The following PDE1C variants were observed in gnomAD, a reference collection of about 807,000 sequenced individuals.
PDE1C encodes the protein dual specificity calcium/calmodulin-dependent 3',5'-cyclic nucleotide phosphodiesterase 1C.
Under a neutral mutation model 93.1 loss-of-function variants are expected in PDE1C, and 62 were observed. The observed-to-expected ratio is 0.67, with a 90% CI of 0.54 to 0.82. The LOEUF (loss-of-function observed/expected upper bound fraction) is 0.82, where lower values mean the gene tolerates loss of function less well. Ranked by LOEUF, PDE1C falls within the 40% of genes least tolerant of loss-of-function variation. The pLI, the probability that PDE1C is intolerant of heterozygous loss-of-function variation, is 0.00. For synonymous variants in PDE1C, 325 were observed against 310.1 expected (o/e 1.05, Z -0.50); for missense variants, 742 against 884.6 (o/e 0.84, Z 2.04).
chr7:32,304,182 G>C (rs1215272465), upstream of PDE1C, among the ~76,000 whole-genome samples: 2 of 152,184 alleles, frequency 1.3e-5, no homozygotes, highest in Middle Eastern at 3.4e-3. Context: ...CATTCCTCAG[G>C]GGAGGTAACC....
the PDE1C span, among the ~76,000 whole-genome samples, chr7:31,689,371 T>G: frequency 1.3e-5 from 2 of 152,178 alleles, no homozygotes; most frequent in African/African-American, 2.4e-5. Flanking sequence ...GAGGACCAAC[T>G]ATGCAGGCAT....
intron 16 of PDE1C, among the ~76,000 whole-genome samples, chr7:31,804,017 T>C (rs938695319): frequency 2.0e-5 from 3 of 151,756 alleles, no homozygotes; most frequent in African/African-American, 7.2e-5. Flanking sequence ...CTGGTTGGGC[T>C]TTTTCTTTAT....
At chr7:32,253,041 T>A (rs1809505694) in intron 1 of PDE1C, among the ~76,000 whole-genome samples, 1 of 152,194 alleles carries the variant, frequency 6.6e-6, no homozygotes, top group African/African-American at 2.4e-5. Context: ...AGTTGTGTTT[T>A]TCAAAGATCA....
intron 3 of PDE1C, among the ~76,000 whole-genome samples, chr7:32,155,402 C>G (rs1215874136): frequency 1.3e-5 from 2 of 152,222 alleles, no homozygotes. Flanking sequence ...CACACAATCT[C>G]TAGTCAGGTT....
chr7:31,718,686 G>A, the PDE1C span, among the ~76,000 whole-genome samples: 1 of 152,146 alleles, frequency 6.6e-6, no homozygotes, highest in Non-Finnish European at 1.5e-5. Context: ...TGAAGAGGGG[G>A]AATCCCTGTG....
chr7:32,112,844 G>GTATATATATATATATATATATATA (rs1227112323), intron 3 of PDE1C, among the ~76,000 whole-genome samples: 1 of 54,138 alleles, frequency 1.8e-5, no homozygotes, highest in Non-Finnish European at 4.0e-5. Context: ...GTGTGTGTGT[G>GTATATATATATATATATATATATA]TGTATATATA....
intron 2 of PDE1C, among the ~76,000 whole-genome samples, chr7:31,895,192 T>G (rs930458676): frequency 6.6e-6 from 1 of 152,254 alleles, no homozygotes. Flanking sequence ...CTGATAGTGC[T>G]GACTGGAGGG....
intron 1 of PDE1C, among the ~76,000 whole-genome samples, chr7:32,061,685 G>A (rs77387054): frequency 0.096 from 14,663 of 152,228 alleles, 830 homozygotes; most frequent in Middle Eastern, 0.14. Flanking sequence ...TTGGAATACT[G>A]GGAATGACCA....
the PDE1C span, chr7:31,642,581 C>A: frequency 9.4e-7 from 1 of 1,062,802 alleles, no homozygotes; most frequent in African/African-American, 1.6e-5. Context: ...CAACCCTTAT[C>A]TCCTGACTCC....
chr7:32,192,671 C>T (rs1804317467), intron 2 of PDE1C, among the ~76,000 whole-genome samples: 1 of 151,988 alleles, frequency 6.6e-6, no homozygotes, highest in South Asian at 2.1e-4. Flanking sequence ...GTTCTACTTC[C>T]TACGATTTTC....
chr7:31,708,155 G>A, the PDE1C span: 2 of 152,132 alleles, frequency 1.3e-5, no homozygotes, highest in Non-Finnish European at 1.5e-5. Flanking sequence ...TTGGATGAGA[G>A]GGGAGAGTGT....
At chr7:31,914,156 A>G (rs1365034646) in intron 2 of PDE1C, among the ~76,000 whole-genome samples, 1 of 152,232 alleles carries the variant, frequency 6.6e-6, no homozygotes, top group Non-Finnish European at 1.5e-5. Flanking sequence ...TTTCAAAGTC[A>G]ATTTTATATC....
At chr7:31,880,966 G>C (rs543705567) in intron 2 of PDE1C, 106 bp from the exon 3 acceptor site, 4 of 723,428 alleles carry the variant, frequency 5.5e-6, no homozygotes, top group Non-Finnish European at 7.2e-6. Context: ...CACTTATTCT[G>C]ATACATCTGA....
intron 2 of PDE1C, among the ~76,000 whole-genome samples, chr7:32,171,300 A>G (rs79990210): frequency 0.12 from 18,115 of 151,994 alleles, 1,297 homozygotes; most frequent in East Asian, 0.26. Flanking sequence ...CTGCGACAGA[A>G]CACCTGACCC....
chr7:31,839,181 TACGTATGTATACATACATAC>T (rs1384127892), intron 9 of PDE1C, among the ~76,000 whole-genome samples: 12 of 149,246 alleles, frequency 8.0e-5, no homozygotes, highest in Admixed American at 6.8e-4. Flanking sequence ...CACATACATA[TACGTATGTATACATACATAC>T]ATACGTATAT....
intron 3 of PDE1C, among the ~76,000 whole-genome samples, chr7:32,130,136 A>T (rs1317161793): frequency 1.3e-5 from 2 of 152,044 alleles, no homozygotes; most frequent in Non-Finnish European, 2.9e-5. Context: ...TATTTTCAGA[A>T]AATAGTGCCT....
chr7:32,258,252 A>G lies in PDE1C; in HGVS notation c.85+40399T>C, dbSNP rs139021157. Among the ~76,000 whole-genome samples the G allele has an allele frequency of 3.5e-3, 533 of 152,328 alleles. 4 individuals are homozygous for G. The highest frequency in any genetic ancestry group is 0.012 in the African/African-American group (499 of 41,580). The stretch of plus-strand genomic sequence containing the variant: ...ACCTCTTAGATTATATGTGTCTTCA[A>G]TTATATGATGGGAATAATAAAACCT... On this transcript the variant is annotated intron_variant, in intron 1 of 18. Coordinates refer to the PDE1C transcript ENST00000396193.
chr7:32,046,235 AAAATC>A (rs1313674422), intron 2 of PDE1C, among the ~76,000 whole-genome samples: 1 of 152,126 alleles, frequency 6.6e-6, no homozygotes, highest in Non-Finnish European at 1.5e-5. Flanking sequence ...AGAAAGCCTA[AAAATC>A]AGCAAAACAT....
chr7:31,739,977 C>T, the PDE1C span, among the ~76,000 whole-genome samples: 1 of 152,184 alleles, frequency 6.6e-6, no homozygotes, highest in African/African-American at 2.4e-5. Context: ...TTTCCCAAAA[C>T]CGATCTGCCT....
Sources: allele counts gnomAD v4.1 joint callset (sites outside exome capture counted in the v4.1 genomes callset), GRCh38; gene constraint gnomAD v4.1.1; transcripts MANE v1.5; gene names NCBI Gene and HGNC (gene_info 2026-07-23, HGNC 2026-07-21).